The following LRFN5 variants were observed in gnomAD, a reference collection of about 807,000 sequenced individuals.
The protein encoded by LRFN5 is leucine rich repeat and fibronectin type III domain containing 5.
LRFN5 carries 24 observed loss-of-function variants against 45.6 expected under a neutral mutation model. The ratio of observed to expected loss-of-function variants is 0.53; its 90% CI spans 0.38 to 0.74. The LOEUF (loss-of-function observed/expected upper bound fraction) is 0.74. LRFN5 is among the 30% of genes least tolerant of loss of function. The pLI, the probability that LRFN5 is intolerant of heterozygous loss-of-function variation, is 0.00. For synonymous variants in LRFN5, 340 were observed against 313.8 expected (o/e 1.08, Z -0.88); for missense variants, 776 against 861.5 (o/e 0.90, Z 1.24).
intron 2 of LRFN5, among the ~76,000 whole-genome samples, chr14:41,874,768 A>C (rs1890132268): frequency 6.6e-6 from 1 of 152,230 alleles, no homozygotes; most frequent in Non-Finnish European, 1.5e-5. Context: ...GTAATTTATA[A>C]AGAAAAGAGG....
chr14:41,744,962 C>A (rs1455572134), intron 1 of LRFN5, among the ~76,000 whole-genome samples: 1 of 152,024 alleles, frequency 6.6e-6, no homozygotes, highest in East Asian at 1.9e-4. Context: ...ATACTTCACT[C>A]TCAATAGAAC....
intron 1 of LRFN5, among the ~76,000 whole-genome samples, chr14:41,611,084 T>A (rs1437213938): frequency 6.6e-6 from 1 of 152,146 alleles, no homozygotes; most frequent in African/African-American, 2.4e-5. Context: ...AGGACTCGAT[T>A]TTTGCAGGTT....
chr14:41,804,660 C>G (rs1002096127), intron 2 of LRFN5, among the ~76,000 whole-genome samples: 2 of 152,034 alleles, frequency 1.3e-5, no homozygotes, highest in African/African-American at 4.8e-5. Context: ...GACCCAAGCC[C>G]TGGAAAGACT....
intron 1 of LRFN5, among the ~76,000 whole-genome samples, chr14:41,735,012 G>C (rs893091116): frequency 2.0e-5 from 3 of 151,832 alleles, no homozygotes; most frequent in African/African-American, 7.3e-5. Flanking sequence ...TGTAACTATA[G>C]TTTTTAATAG....
intron 1 of LRFN5, among the ~76,000 whole-genome samples, chr14:41,720,053 G>A (rs1422362279): frequency 6.6e-6 from 1 of 151,916 alleles, no homozygotes; most frequent in Admixed American, 6.6e-5. Flanking sequence ...CTGAGGTTTG[G>A]GATATGAATG....
chr14:41,850,224 T>C (rs564172205), intron 2 of LRFN5, among the ~76,000 whole-genome samples: 4 of 152,026 alleles, frequency 2.6e-5, no homozygotes, highest in Middle Eastern at 6.8e-3. Context: ...ACATAGGTAA[T>C]GCAAGTACTT....
intron 2 of LRFN5, among the ~76,000 whole-genome samples, chr14:41,801,236 TG>T (rs1186154246): frequency 6.6e-6 from 1 of 152,050 alleles, no homozygotes; most frequent in Non-Finnish European, 1.5e-5. Flanking sequence ...ATATAAAAAA[TG>T]GAACAACAAT....
At chr14:41,681,881 C>T (rs532477562) in intron 1 of LRFN5, among the ~76,000 whole-genome samples, 107 of 150,348 alleles carry the variant, frequency 7.1e-4, no homozygotes, top group African/African-American at 2.4e-3. Flanking sequence ...TGCAGTGGCC[C>T]GATCTCTGCT....
At chr14:41,898,867 T>C in intron 4 of LRFN5, 50 bp from the exon 5 acceptor site, 1 of 1,536,506 alleles carries the variant, frequency 6.5e-7, no homozygotes, top group Non-Finnish European at 8.9e-7. Flanking sequence ...TTTGAATCTA[T>C]TTCTTTTAAA....
At chr14:41,893,210 C>G (rs1015769495) in intron 4 of LRFN5, 1 of 974,340 alleles carries the variant, frequency 1.0e-6, no homozygotes, top group Non-Finnish European at 1.2e-6. Flanking sequence ...TTTTTTAAAA[C>G]AGGATTTTAA....
At chr14:41,627,057 G>C (rs993621798) in intron 1 of LRFN5, among the ~76,000 whole-genome samples, 6 of 152,094 alleles carry the variant, frequency 3.9e-5, no homozygotes, top group Admixed American at 1.3e-4. Flanking sequence ...TTGATCAACA[G>C]TATAAAAGGA....
intron 1 of LRFN5, among the ~76,000 whole-genome samples, chr14:41,676,599 C>G (rs1308993365): frequency 6.6e-6 from 1 of 152,074 alleles, no homozygotes; most frequent in African/African-American, 2.4e-5. Context: ...TCAGTCAACT[C>G]TCGGGGTCTG....
chr14:41,734,619 C>A (rs1364513897), intron 1 of LRFN5, among the ~76,000 whole-genome samples: 3 of 150,684 alleles, frequency 2.0e-5, no homozygotes, highest in Non-Finnish European at 4.4e-5. Flanking sequence ...ATCCACTCAG[C>A]CTCTTTATGT....
At chr14:41,784,382 A>C (rs1488434533) in intron 2 of LRFN5, among the ~76,000 whole-genome samples, 3 of 151,972 alleles carry the variant, frequency 2.0e-5, no homozygotes, top group Non-Finnish European at 4.4e-5. Flanking sequence ...CCTTTTTAAA[A>C]ATTTTTATTT....
intron 1 of LRFN5, among the ~76,000 whole-genome samples, chr14:41,646,796 T>C (rs1879838327): frequency 6.6e-6 from 1 of 152,182 alleles, no homozygotes; most frequent in Non-Finnish European, 1.5e-5. Context: ...ATATTGGCCA[T>C]GGGCCTCCAG....
In LRFN5 at chr14:41,681,259, C is replaced by A. The variant is rs193209724; in HGVS notation, c.-197+72697C>A. 2.3e-3 allele frequency among the ~76,000 whole-genome samples: 345 copies of A among 152,194 alleles called. 1 individual carries two copies. The highest frequency in any genetic ancestry group is 3.9e-3 in the Non-Finnish European group (267 of 68,004). On this transcript the variant is annotated intron_variant, in intron 1 of 5. Transcript: ENST00000298119. ...AGAGAAATATATCAATATTTAAGAA[C>A]AAGCAGGTTATAGAACACCAAGTAG...
intron 1 of LRFN5, among the ~76,000 whole-genome samples, chr14:41,753,498 A>T (rs1885231506): frequency 6.6e-6 from 1 of 151,846 alleles, no homozygotes. Flanking sequence ...TGTAAGTTGG[A>T]TTCCTAGGTA....
chr14:41,696,099 C>G (rs1415041833), intron 1 of LRFN5, among the ~76,000 whole-genome samples: 1 of 151,872 alleles, frequency 6.6e-6, no homozygotes, highest in Admixed American at 6.6e-5. Context: ...GGGTTCAAGA[C>G]TTCAGTGGAG....
chr14:41,716,241 T>G (rs1883490819), intron 1 of LRFN5, among the ~76,000 whole-genome samples: 1 of 152,136 alleles, frequency 6.6e-6, no homozygotes, highest in African/African-American at 2.4e-5. Flanking sequence ...CTGGAGACGT[T>G]TTTTCCATTG....
Sources: allele counts gnomAD v4.1 joint callset (sites outside exome capture counted in the v4.1 genomes callset), GRCh38; gene constraint gnomAD v4.1.1; transcripts MANE v1.5; gene names NCBI Gene and HGNC (gene_info 2026-07-23, HGNC 2026-07-21).